ACOT12: variants seen among roughly 807,000 people sequenced by gnomAD.
ACOT12 encodes the protein acyl-CoA thioesterase 12, also known as acetyl-coenzyme A thioesterase.
In ACOT12, 51 loss-of-function variants were observed where a neutral mutation model predicts 67.7. The ratio of observed to expected loss-of-function variants is 0.75; its 90% CI spans 0.60 to 0.95. The LOEUF (loss-of-function observed/expected upper bound fraction) is 0.95. ACOT12 is among the 40% of genes least tolerant of loss of function. The pLI, the probability that ACOT12 is intolerant of heterozygous loss-of-function variation, is 0.00. For missense variants in ACOT12, 734 were observed against 708.1 expected (o/e 1.04, Z -0.41); for synonymous variants, 251 against 244.6 (o/e 1.03, Z -0.24).
chr5:81,376,545 C>CAGAAAAAAA (rs1760421421), intron 2 of ACOT12, among the ~76,000 whole-genome samples: 1 of 151,678 alleles, frequency 6.6e-6, no homozygotes, highest in Non-Finnish European at 1.5e-5. Flanking sequence ...GTCAATGAAT[C>CAGAAAAAAA]CAGAAGCTGT....
At chr5:81,344,770 G>T in intron 8 of ACOT12, 121 bp downstream of exon 8, 1 of 1,252,686 alleles carries the variant, frequency 8.0e-7, no homozygotes, top group Non-Finnish European at 1.1e-6. Flanking sequence ...ACTTTGTGAT[G>T]CTGAAAAGAG....
chr5:81,336,502 C>T (rs1269279088), intron 11 of ACOT12, among the ~76,000 whole-genome samples: 6 of 152,130 alleles, frequency 3.9e-5, no homozygotes, highest in Admixed American at 2.0e-4. Context: ...AAGGCCAGTT[C>T]CTGGTTTCCT....
intron 8 of ACOT12, among the ~76,000 whole-genome samples, chr5:81,344,636 T>C (rs1239113903): frequency 6.6e-6 from 1 of 152,026 alleles, no homozygotes; most frequent in Non-Finnish European, 1.5e-5. Flanking sequence ...AAACAGGACA[T>C]AGAAGGTGAC....
chr5:81,383,886 T>G (rs66668523), intron 2 of ACOT12, among the ~76,000 whole-genome samples: 15,838 of 152,108 alleles, frequency 0.1, 870 homozygotes, highest in South Asian at 0.13. Flanking sequence ...TTTTTAAGTT[T>G]ATAGAGTAAA....
intron 2 of ACOT12, among the ~76,000 whole-genome samples, chr5:81,378,185 A>G (rs1419787062): frequency 6.6e-6 from 1 of 152,200 alleles, no homozygotes; most frequent in Non-Finnish European, 1.5e-5. Context: ...AACACCACAC[A>G]TCTACAACCA....
the ACOT12 span, among the ~76,000 whole-genome samples, chr5:81,316,589 T>A: frequency 6.6e-6 from 1 of 152,242 alleles, no homozygotes; most frequent in Non-Finnish European, 1.5e-5. Context: ...TGTGAGGACA[T>A]GTTTTCATTT....
intron 1 of ACOT12, among the ~76,000 whole-genome samples, chr5:81,386,087 C>A (rs1234413735): frequency 6.6e-6 from 1 of 152,182 alleles, no homozygotes; most frequent in Non-Finnish European, 1.5e-5. Flanking sequence ...AAATTTAATA[C>A]CAAGATCCTG....
chr5:81,359,145 G>T, intron 5 of ACOT12, among the ~76,000 whole-genome samples: 1 of 152,086 alleles, frequency 6.6e-6, no homozygotes. Context: ...TGGAGCCAAG[G>T]GTTGCTGAAC....
At chr5:81,337,713 A>G (rs1759047616) in intron 11 of ACOT12, among the ~76,000 whole-genome samples, 1 of 152,196 alleles carries the variant, frequency 6.6e-6, no homozygotes, top group African/African-American at 2.4e-5. Context: ...GAAAGAAGCA[A>G]CCCTGCTGAC....
the ACOT12 span, among the ~76,000 whole-genome samples, chr5:81,323,098 A>C: frequency 2.0e-5 from 3 of 152,068 alleles, no homozygotes; most frequent in South Asian, 6.2e-4. Context: ...AAAAAAAAAA[A>C]AAACAGCAGA....
chr5:81,319,885 T>C, the ACOT12 span, among the ~76,000 whole-genome samples: 1 of 142,462 alleles, frequency 7.0e-6, no homozygotes, highest in African/African-American at 2.6e-5. Context: ...GGAAGTGACA[T>C]GCTGTGACAA....
chr5:81,338,527 T>C (rs562770601), intron 11 of ACOT12, among the ~76,000 whole-genome samples: 1 of 152,230 alleles, frequency 6.6e-6, no homozygotes, highest in Non-Finnish European at 1.5e-5. Flanking sequence ...TCCCCAGCCA[T>C]GCTTCCTGTG....
At chr5:81,386,995 A>ATTTTTTTTTTTTTTTTTT (rs869281800) in intron 1 of ACOT12, among the ~76,000 whole-genome samples, 16 of 81,334 alleles carry the variant, frequency 2.0e-4, no homozygotes, top group Non-Finnish European at 3.2e-4. Flanking sequence ...GATGAGTTCC[A>ATTTTTTTTTTTTTTTTTT]TTTTTTTTTT....
At chr5:81,339,129 A>G (rs578103679) in intron 11 of ACOT12, among the ~76,000 whole-genome samples, 189 of 152,322 alleles carry the variant, frequency 1.2e-3, no homozygotes, top group African/African-American at 4.2e-3. Context: ...GAATTTTTGT[A>G]CCATCTATTG....
the ACOT12 span, among the ~76,000 whole-genome samples, chr5:81,319,714 T>C: frequency 7.0e-6 from 1 of 142,648 alleles, no homozygotes; most frequent in East Asian, 2.0e-4. Context: ...CGAAACTGTC[T>C]CAAAAAAAAA....
At chr5:81,319,670 TA>T in the ACOT12 span, among the ~76,000 whole-genome samples, 1 of 149,720 alleles carries the variant, frequency 6.7e-6, no homozygotes, top group Admixed American at 6.7e-5. Context: ...TGAGCTGAGA[TA>T]GCGCCATTGC....
chr5:81,322,470 A>AC, the ACOT12 span, among the ~76,000 whole-genome samples: 3 of 150,868 alleles, frequency 2.0e-5, no homozygotes, highest in Admixed American at 6.6e-5. Context: ...AAAATAAACA[A>AC]AAAAAAAACC....
chr5:81,370,106 C>T (rs1421474706), intron 3 of ACOT12, among the ~76,000 whole-genome samples: 1 of 152,080 alleles, frequency 6.6e-6, no homozygotes, highest in Non-Finnish European at 1.5e-5. Context: ...CATGGTGAAA[C>T]CCCATCTCTA....
At chr5:81,326,773 T>TGTG (rs1758684180), downstream of ACOT12, among the ~76,000 whole-genome samples, 1 of 152,182 alleles carries the variant, frequency 6.6e-6, no homozygotes. Context: ...ACCTATTTAG[T>TGTG]TGTCTATGGG....
Sources: allele counts gnomAD v4.1 joint callset (sites outside exome capture counted in the v4.1 genomes callset), GRCh38; gene constraint gnomAD v4.1.1; transcripts MANE v1.5; gene names NCBI Gene and HGNC (gene_info 2026-07-23, HGNC 2026-07-21).